Variants in PRORP observed in about 807,000 individuals in gnomAD.
PRORP encodes the protein protein only RNase P catalytic subunit.
A neutral mutation model predicts 59.4 loss-of-function variants in PRORP; 51 were observed. The observed-to-expected ratio is 0.86, with a 90% CI of 0.69 to 1.08. The LOEUF (loss-of-function observed/expected upper bound fraction) is 1.08. PRORP is among the 50% of genes least tolerant of loss of function. The probability of loss-of-function intolerance (pLI) is 0.00; values close to 1 mark genes in which losing one functional copy is unlikely to be tolerated. For missense variants in PRORP, 646 were observed against 690.3 expected, an observed-to-expected ratio of 0.94 and a Z score of 0.72; for synonymous variants, 231 against 245.6, an observed-to-expected ratio of 0.94 and a Z score of 0.55.
chr14:35,273,787 G>C lies in PRORP; in HGVS notation c.*221G>C, dbSNP rs1218521133. The C allele has an allele frequency of 2.6e-5, 9 of 345,238 alleles. No homozygotes were observed. The highest frequency in any genetic ancestry group is 4.7e-5 in the Non-Finnish European group (9 of 192,458). 21.4% of individuals were successfully genotyped at this position (345,238 alleles called of 1,614,324 possible). On this transcript the variant is annotated 3_prime_UTR_variant, in exon 8 of 8. Coordinates refer to ENST00000534898, the MANE Select transcript of PRORP (RefSeq NM_014672.4). The stretch of plus-strand genomic sequence containing the variant: ...TGTTTTTGGAGGCTTATCAAGAGTT[G>C]GAGAACTTAGTGTAGAGCAAAACCT...
At chr14:35,233,963 T>C (rs1185591967) in intron 5 of PRORP, among the ~76,000 whole-genome samples, 1 of 152,212 alleles carries the variant, frequency 6.6e-6, no homozygotes, top group Non-Finnish European at 1.5e-5. Flanking sequence ...GTGACTCTGC[T>C]CAGTCCTCTT....
At chr14:35,151,903 T>C (rs1307077956) in intron 4 of PRORP, among the ~76,000 whole-genome samples, 1 of 151,708 alleles carries the variant, frequency 6.6e-6, no homozygotes, top group African/African-American at 2.4e-5. Context: ...TATCTCTAAT[T>C]TTTTTTCTTC....
At chr14:35,163,606 T>C (rs2138960248) in intron 4 of PRORP, among the ~76,000 whole-genome samples, 1 of 152,294 alleles carries the variant, frequency 6.6e-6, no homozygotes. Context: ...TGTTTTTTAA[T>C]GGGGTTATTT....
chr14:35,233,733 A>T (rs2050138912), intron 5 of PRORP, among the ~76,000 whole-genome samples: 1 of 152,038 alleles, frequency 6.6e-6, no homozygotes, highest in South Asian at 2.1e-4. Context: ...TGCACAGAAA[A>T]ACTATGTTCA....
chr14:35,169,458 G>GAGTTTTAATTGACTCA (rs1566472450), intron 4 of PRORP, among the ~76,000 whole-genome samples: 1 of 151,854 alleles, frequency 6.6e-6, no homozygotes, highest in African/African-American at 2.4e-5. Context: ...ACAAAGAAAA[G>GAGTTTTAATTGACTCA]AGGTTTAATT....
In PRORP at chr14:35,270,558, A is replaced by G. The variant is rs1398377144; in HGVS notation, c.1582A>G (p.Ile528Val). 1 of 1,614,218 alleles carries G rather than the reference A, an allele frequency of 6.2e-7. No individual in the cohort carries two copies. Among genetic ancestry groups the G allele is most frequent in the South Asian group, 1.1e-5 (1 of 91,088 alleles). ...GTGGCAGCAGGGACATCAGCTGGCA[A>G]TTGTAAATAGGTTTCCAGGATCAAA... ...FKWQQGHQLA[I>V]VNRFPGSKLT... Residue 528 changes from isoleucine (I) to valine (V), a missense_variant, in exon 7 of 8, where the codon ATT (isoleucine) becomes GTT (valine). By Grantham distance (29) the Ile-to-Val change is conservative (BLOSUM62 3). Coordinates refer to ENST00000534898, the MANE Select transcript of PRORP (RefSeq NM_014672.4).
In PRORP at chr14:35,273,625, C is replaced by CT; in HGVS notation, c.*60dup. ...GTACCCTCTAGGTTGGCATCAGAGGCTCTTGAGCTGGTGTTTGTTTAGGGC... is the reference window on the plus strand; with the variant it reads ...GTACCCTCTAGGTTGGCATCAGAGGCTTCTTGAGCTGGTGTTTGTTTAGGGC... On this transcript the variant is annotated 3_prime_UTR_variant, in exon 8 of 8. Coordinates refer to ENST00000534898, the MANE Select transcript of PRORP (RefSeq NM_014672.4). 6.6e-7 allele frequency: 1 copy of CT among 1,520,042 alleles called. No homozygotes were observed. The highest frequency in any genetic ancestry group is 8.9e-7 in the Non-Finnish European group (1 of 1,125,740). 94.2% of individuals were successfully genotyped at this position (1,520,042 alleles called of 1,614,324 possible).
At chr14:35,204,009 G>A (rs956788035) in intron 5 of PRORP, among the ~76,000 whole-genome samples, 2 of 152,218 alleles carry the variant, frequency 1.3e-5, no homozygotes, top group African/African-American at 4.8e-5. Flanking sequence ...CACTAAGTAT[G>A]TACATATTGT....
chr14:35,205,061 G>A (rs1247994804), intron 5 of PRORP, among the ~76,000 whole-genome samples: 2 of 152,142 alleles, frequency 1.3e-5, no homozygotes, highest in African/African-American at 4.8e-5. Context: ...TGTCAGAATT[G>A]GGATGCAAAC....
chr14:35,122,050 A>C, upstream of PRORP: 1 of 1,399,694 alleles, frequency 7.1e-7, no homozygotes, highest in Non-Finnish European at 1.0e-6. Context: ...AGGCCCCGTA[A>C]AGGTTAGGAA....
chr14:35,263,949 CTT>C (rs879706511), intron 5 of PRORP, among the ~76,000 whole-genome samples: 1 of 143,668 alleles, frequency 7.0e-6, no homozygotes, highest in African/African-American at 2.5e-5. Context: ...TGTGTCCATT[CTT>C]TTTTTTTTTT....
At chr14:35,256,522 G>A (rs2050765724) in intron 5 of PRORP, among the ~76,000 whole-genome samples, 1 of 151,292 alleles carries the variant, frequency 6.6e-6, no homozygotes. Context: ...AGTAGAGATG[G>A]GGCTTCACCA....
intron 4 of PRORP, among the ~76,000 whole-genome samples, chr14:35,157,677 C>T (rs768107208): frequency 6.6e-5 from 10 of 152,140 alleles, no homozygotes; most frequent in African/African-American, 1.4e-4. Context: ...GTGTGAGCCA[C>T]GGTGCCTGGC....
At chr14:35,265,938 C>G (rs2415280) in intron 5 of PRORP, among the ~76,000 whole-genome samples, 150,631 of 151,090 alleles carry the variant, frequency 1, 75,086 homozygotes, top group Middle Eastern at 1. Flanking sequence ...TGCTTTGGGA[C>G]GCCAAGGCAG....
intron 4 of PRORP, among the ~76,000 whole-genome samples, chr14:35,166,678 C>T (rs1431607361): frequency 1.3e-5 from 2 of 152,086 alleles, no homozygotes; most frequent in African/African-American, 4.8e-5. Context: ...GTCTTGATCT[C>T]TTGACCTTGT....
intron 5 of PRORP, among the ~76,000 whole-genome samples, chr14:35,243,255 G>A (rs573692200): frequency 1.1e-4 from 16 of 152,252 alleles, no homozygotes; most frequent in South Asian, 8.3e-4. Context: ...GACAGGACCC[G>A]GTATGGTGGC....
At chr14:35,172,875 T>TG (rs2139003091) in intron 4 of PRORP, among the ~76,000 whole-genome samples, 1 of 150,908 alleles carries the variant, frequency 6.6e-6, no homozygotes, top group East Asian at 1.9e-4. Context: ...CAGTTTCATT[T>TG]TTTTTTTTTG....
intron 5 of PRORP, among the ~76,000 whole-genome samples, chr14:35,202,131 G>T (rs943005210): frequency 6.6e-6 from 1 of 151,300 alleles, no homozygotes; most frequent in Non-Finnish European, 1.5e-5. Context: ...CACCACGCCC[G>T]GCTAACTTTT....
chr14:35,235,314 C>G (rs2050182881), intron 5 of PRORP: 1 of 692,602 alleles, frequency 1.4e-6, no homozygotes. Context: ...GTCCTGATAG[C>G]TTCCACCAGC....
Sources: gnomAD v4.1 joint callset for allele counts (sites outside exome capture counted in the v4.1 genomes callset) on GRCh38, gnomAD v4.1.1 for gene constraint, MANE v1.5 for transcripts, NCBI Gene and HGNC (gene_info 2026-07-23, HGNC 2026-07-21) for gene names.